Variants in AGBL1 observed in about 807,000 individuals in gnomAD.
AGBL1 encodes the protein cytosolic carboxypeptidase 4.
In AGBL1, 130 loss-of-function variants were observed where a neutral mutation model predicts 118.9. That is an observed-to-expected ratio of 1.09 (90% CI 0.95 to 1.26). AGBL1 has a LOEUF of 1.26. Among genes scored for constraint, AGBL1 ranks in the 50% most tolerant of loss-of-function variants. The probability of loss-of-function intolerance (pLI) is 0.00; values close to 1 mark genes in which losing one functional copy is unlikely to be tolerated. For synonymous variants in AGBL1, 555 were observed against 478.9 expected, an observed-to-expected ratio of 1.16 and a Z score of -2.08; for missense variants, 1,584 against 1,298.1, an observed-to-expected ratio of 1.22 and a Z score of -3.38.
At chr15:86,144,288 A>G (rs1234039994) in intron 3 of AGBL1, among the ~76,000 whole-genome samples, 2 of 152,164 alleles carry the variant, frequency 1.3e-5, no homozygotes, top group Non-Finnish European at 2.9e-5. Flanking sequence ...AGACAGAAAT[A>G]CCATTCGATC....
chr15:86,465,311 A>G (rs1056317312), intron 18 of AGBL1, among the ~76,000 whole-genome samples: 2 of 152,126 alleles, frequency 1.3e-5, no homozygotes, highest in African/African-American at 4.8e-5. Flanking sequence ...TGTCATCTTC[A>G]TAAGCTGAGG....
intron 22 of AGBL1, among the ~76,000 whole-genome samples, chr15:86,820,181 T>C (rs889637429): frequency 1.3e-5 from 2 of 152,188 alleles, no homozygotes; most frequent in African/African-American, 4.8e-5. Context: ...CTTAAAACTA[T>C]AAAGCTTCTG....
At chr15:86,110,157 T>C (rs940115394) in intron 1 of AGBL1, among the ~76,000 whole-genome samples, 2 of 152,230 alleles carry the variant, frequency 1.3e-5, no homozygotes, top group Non-Finnish European at 2.9e-5. Flanking sequence ...ACTCTACCTC[T>C]GGTAGTGACA....
intron 6 of AGBL1, among the ~76,000 whole-genome samples, chr15:86,233,047 T>A (rs995078514): frequency 6.6e-6 from 1 of 152,190 alleles, no homozygotes; most frequent in Non-Finnish European, 1.5e-5. Context: ...CCATTTTACA[T>A]GCAAGGAAGG....
intron 18 of AGBL1, among the ~76,000 whole-genome samples, chr15:86,500,092 A>T (rs1159680637): frequency 6.6e-5 from 10 of 151,878 alleles, no homozygotes; most frequent in Non-Finnish European, 1.5e-4. Context: ...TGCCAGACAA[A>T]ATGGACAACT....
intron 17 of AGBL1, among the ~76,000 whole-genome samples, chr15:86,389,507 A>G (rs12101965): frequency 0.084 from 12,822 of 152,244 alleles, 1,423 homozygotes; most frequent in African/African-American, 0.25. Context: ...GCAGATTCAT[A>G]TCAGAAGAAA....
chr15:86,869,433 C>A (rs1419313058), intron 22 of AGBL1, among the ~76,000 whole-genome samples: 4 of 152,048 alleles, frequency 2.6e-5, no homozygotes, highest in Non-Finnish European at 5.9e-5. Flanking sequence ...CTTTGGTTTC[C>A]TTCCTTAGCA....
intron 23 of AGBL1, among the ~76,000 whole-genome samples, chr15:86,957,715 T>C (rs1192531331): frequency 2.6e-5 from 4 of 152,064 alleles, no homozygotes; most frequent in African/African-American, 7.2e-5. Flanking sequence ...TCAAAACAAA[T>C]GTAGATTTAT....
chr15:86,226,429 T>C (rs992484064), intron 6 of AGBL1, among the ~76,000 whole-genome samples: 1 of 152,162 alleles, frequency 6.6e-6, no homozygotes, highest in Non-Finnish European at 1.5e-5. Flanking sequence ...GAGGACTTGA[T>C]GTTTCATGGG....
At chr15:86,857,599 C>T (rs563298142) in intron 22 of AGBL1, among the ~76,000 whole-genome samples, 1 of 152,176 alleles carries the variant, frequency 6.6e-6, no homozygotes, top group South Asian at 2.1e-4. Context: ...GGAGGCCTTC[C>T]CCGACCCTTC....
chr15:86,805,032 G>T (rs2078697835), intron 22 of AGBL1, among the ~76,000 whole-genome samples: 1 of 152,082 alleles, frequency 6.6e-6, no homozygotes, highest in African/African-American at 2.4e-5. Context: ...CCAGTGCCAA[G>T]TTTCTAGTGC....
At chr15:86,314,750 C>T (rs189689747) in intron 17 of AGBL1, among the ~76,000 whole-genome samples, 1 of 152,282 alleles carries the variant, frequency 6.6e-6, no homozygotes, top group Admixed American at 6.5e-5. Context: ...CTGAGCACCT[C>T]ACTCAGAAAC....
At chr15:86,750,994 C>A (rs1596447320) in intron 22 of AGBL1, among the ~76,000 whole-genome samples, 1 of 152,010 alleles carries the variant, frequency 6.6e-6, no homozygotes, top group South Asian at 2.1e-4. Context: ...GGCTGCATAG[C>A]ATTCCATGGT....
At chr15:86,329,183 G>T (rs566992115) in intron 17 of AGBL1, among the ~76,000 whole-genome samples, 75 of 152,262 alleles carry the variant, frequency 4.9e-4, no homozygotes, top group East Asian at 3.1e-3. Context: ...ACCCCAGCCT[G>T]TTCCCCTGAG....
intron 18 of AGBL1, among the ~76,000 whole-genome samples, chr15:86,434,301 G>C (rs1221484617): frequency 6.6e-6 from 1 of 152,130 alleles, no homozygotes; most frequent in Non-Finnish European, 1.5e-5. Context: ...AGTGAAAAAA[G>C]GTCCACTTGC....
At chr15:86,119,339 C>CT (rs201874874) in intron 1 of AGBL1, among the ~76,000 whole-genome samples, 2,001 of 145,624 alleles carry the variant, frequency 0.014, 21 homozygotes, top group East Asian at 0.05. Context: ...TTTGTCTTTG[C>CT]TTTTTTTTTT....
At chr15:86,221,994 A>T (rs1169151645) in intron 5 of AGBL1, among the ~76,000 whole-genome samples, 1 of 152,208 alleles carries the variant, frequency 6.6e-6, no homozygotes, top group Non-Finnish European at 1.5e-5. Context: ...GTGCCTAGAC[A>T]GTCTGGTGAA....
At chr15:86,215,215 A>ATGTG (rs1457494719) in intron 5 of AGBL1, among the ~76,000 whole-genome samples, 2,173 of 123,020 alleles carry the variant, frequency 0.018, 41 homozygotes, top group Non-Finnish European at 0.027. Context: ...GTGTGAGTGT[A>ATGTG]TATGTATGCG....
At chr15:87,015,629 T>C (rs986288854) in intron 24 of AGBL1, among the ~76,000 whole-genome samples, 6 of 152,174 alleles carry the variant, frequency 3.9e-5, no homozygotes, top group Admixed American at 6.5e-5. Context: ...GGGAAACAGA[T>C]GTGCATAAAT....
Sources: gnomAD v4.1 joint callset for allele counts (sites outside exome capture counted in the v4.1 genomes callset) on GRCh38, gnomAD v4.1.1 for gene constraint, MANE v1.5 for transcripts, NCBI Gene and HGNC (gene_info 2026-07-23, HGNC 2026-07-21) for gene names.